Variants in BPIFB2 observed in about 807,000 individuals in gnomAD.
BPIFB2 encodes the protein BPI fold-containing family B member 2.
BPIFB2 carries 39 observed loss-of-function variants against 50.1 expected under a neutral mutation model. That is an observed-to-expected ratio of 0.78 (90% confidence interval 0.60 to 1.02). The LOEUF (loss-of-function observed/expected upper bound fraction) is 1.02. BPIFB2 is among the 50% of genes least tolerant of loss of function. The probability of loss-of-function intolerance (pLI) is 0.00; values close to 1 mark genes in which losing one functional copy is unlikely to be tolerated. For missense variants in BPIFB2, 574 were observed against 585.8 expected (o/e 0.98, Z 0.21); for synonymous variants, 280 against 256.3 (o/e 1.09, Z -0.88).
intron 6 of BPIFB2, among the ~76,000 whole-genome samples, chr20:33,016,365 C>A (rs1978430423): frequency 6.6e-6 from 1 of 152,136 alleles, no homozygotes; most frequent in Admixed American, 6.5e-5. Flanking sequence ...CCCTGTAGTC[C>A]CCCTGCTGCC....
intron 3 of BPIFB2, among the ~76,000 whole-genome samples, 168 bp downstream of exon 3, chr20:33,011,285 AG>A (rs1990284736): frequency 6.6e-6 from 1 of 152,206 alleles, no homozygotes; most frequent in South Asian, 2.1e-4. Flanking sequence ...TCTCCACTGA[AG>A]GTGAGTGCTC....
chr20:33,014,186 C>T (rs1467140415), intron 5 of BPIFB2, among the ~76,000 whole-genome samples: 2 of 152,188 alleles, frequency 1.3e-5, no homozygotes, highest in Non-Finnish European at 2.9e-5. Context: ...CCATCCCCTG[C>T]ACCACTTGAC....
At chr20:33,014,615 A>G (rs1990333733) in intron 5 of BPIFB2, among the ~76,000 whole-genome samples, 1 of 152,176 alleles carries the variant, frequency 6.6e-6, no homozygotes, top group South Asian at 2.1e-4. Flanking sequence ...ATGGCTTGCA[A>G]ATCCCCCTAG....
chr20:33,020,298 C>G, intron 11 of BPIFB2, 30 bp from the exon 12 acceptor site: 1 of 1,608,590 alleles, frequency 6.2e-7, no homozygotes, highest in Non-Finnish European at 8.5e-7. Context: ...GGCTCTGTGC[C>G]CTCTGACCCT....
chr20:33,008,980 G>A (rs1012146234), intron 2 of BPIFB2, among the ~76,000 whole-genome samples: 3 of 152,172 alleles, frequency 2.0e-5, no homozygotes, highest in African/African-American at 4.8e-5. Context: ...TTTTACCTGT[G>A]TGTGTCTACT....
intron 4 of BPIFB2, 126 bp downstream of exon 4, chr20:33,013,033 T>C: frequency 1.4e-6 from 1 of 722,718 alleles, no homozygotes; most frequent in Non-Finnish European, 2.4e-6. Flanking sequence ...TCTGTCCAGT[T>C]GCTCTCTCTC....
intron 10 of BPIFB2, 82 bp downstream of exon 10, chr20:33,019,197 C>G: frequency 6.5e-7 from 1 of 1,536,382 alleles, no homozygotes; most frequent in Non-Finnish European, 9.0e-7. Context: ...TCTCTGCTGG[C>G]TCTTATCTGT....
rs539324385 is a variant in BPIFB2 at position 33,018,367 on chromosome 20, C to A, written c.669+17C>A. On this transcript the variant is annotated intron_variant, in intron 8 of 15. Transcript: ENST00000170150. Reference sequence around the variant, plus strand: ...GAAGTCAATGTAAGTGCCTCCTGGCCAGCCCAGAGCTGGGGGCTTGCTGCC... The same window carrying A: ...GAAGTCAATGTAAGTGCCTCCTGGCAAGCCCAGAGCTGGGGGCTTGCTGCC... 6.3e-7 allele frequency: 1 copy of A among 1,592,592 alleles called. No individual in the cohort carries two copies. The highest frequency in any genetic ancestry group is 1.3e-5 in the African/African-American group (1 of 74,544).
chr20:33,021,438 C>G, intron 14 of BPIFB2, 94 bp downstream of exon 14: 1 of 1,394,058 alleles, frequency 7.2e-7, no homozygotes, highest in Non-Finnish European at 9.9e-7. Context: ...TCCCACCTCC[C>G]AGGCTCACAG....
At chr20:33,012,550 G>T (rs1990302183) in intron 3 of BPIFB2, among the ~76,000 whole-genome samples, 1 of 152,110 alleles carries the variant, frequency 6.6e-6, no homozygotes, top group African/African-American at 2.4e-5. Flanking sequence ...TCAAAAACCT[G>T]AGCAATCATC....
Position 33,009,038 on chromosome 20 carries a change from G to T in BPIFB2, c.109+355G>T, listed in dbSNP as rs1324825777. On this transcript the variant is annotated intron_variant, in intron 2 of 15. Coordinates refer to ENST00000170150, the MANE Select transcript of BPIFB2 (RefSeq NM_025227.3). This position sits in a 1 kb window ranked among gnomAD's most constrained non-coding sequence, Gnocchi z 4.2. ...GCTGTGCCCACGTGTGTACTTAAGT[G>T]TCGGGGAGGGTGCAAGCCCATGATG... Among the ~76,000 whole-genome samples, 1 of 152,212 alleles carries T rather than the reference G, an allele frequency of 6.6e-6. No individual in the cohort carries two copies. Among genetic ancestry groups the T allele is most frequent in the Non-Finnish European group, 1.5e-5 (1 of 68,032 alleles).
At chr20:33,017,011 C>T in intron 6 of BPIFB2, 31 bp from the exon 7 acceptor site, 1 of 1,609,566 alleles carries the variant, frequency 6.2e-7, no homozygotes, top group South Asian at 1.1e-5. Context: ...GCTGCCCTAA[C>T]CCCAGCCTCC....
In BPIFB2 at chr20:33,013,913, T is replaced by C. The variant is rs569169988; in HGVS notation, c.412T>C (p.Ser138Pro). 6.2e-7 allele frequency: 1 copy of C among 1,613,964 alleles called. No individual in the cohort carries two copies. Among genetic ancestry groups the C allele is most frequent in the Non-Finnish European group, 8.5e-7 (1 of 1,179,868 alleles). The change falls in exon 5 of 16, where the codon TCT (serine) becomes CCT (proline). Residue 138 changes from serine to proline, a missense_variant. Ser to Pro is a moderately conservative substitution (Grantham distance 74, BLOSUM62 -1). Transcript: ENST00000170150. ...CCCTGTGGTCAGCATCTCTGCCTGC[T>C]CTTTATTCTCGGGCCACGCCAACGA... ...RTPVVSISAC[S>P]LFSGHANEFD...
At chr20:33,022,118 G>A (rs530638636) in intron 15 of BPIFB2, among the ~76,000 whole-genome samples, 228 of 152,338 alleles carry the variant, frequency 1.5e-3, no homozygotes, top group African/African-American at 5.1e-3. Flanking sequence ...CCACTTTGTA[G>A]ACAAACTGTG....
At chr20:33,014,024 C>A (rs755704595) in intron 5 of BPIFB2, 68 bp downstream of exon 5, 58 of 1,550,586 alleles carry the variant, frequency 3.7e-5, no homozygotes, top group African/African-American at 1.1e-4. Context: ...GTTTCCTGAG[C>A]TGCCCACTCA....
chr20:33,015,630 C>A, intron 6 of BPIFB2, 134 bp downstream of exon 6: 1 of 795,252 alleles, frequency 1.3e-6, no homozygotes, highest in Non-Finnish European at 1.9e-6. Flanking sequence ...CCTTCATGGT[C>A]CCCATGAAGG....
chr20:33,015,456 T>C lies in BPIFB2; in HGVS notation c.476T>C (p.Val159Ala), dbSNP rs771794196. Residue 159 changes from valine (V) to alanine (A), a missense_variant, in exon 6 of 16, where the codon GTC (valine) becomes GCC (alanine). By Grantham distance (64) the Val-to-Ala change is moderately conservative (BLOSUM62 0). Transcript: ENST00000170150. ...CTCAGCACCTCCCACGCGCTGCTGG[T>C]CCTGGTGCAGAAGCACATTAAAGCT... is the stretch of plus-strand genomic sequence containing the variant. ...GSNSTSHALL[V>A]LVQKHIKAVL... 4 of 1,613,436 alleles carry C rather than the reference T, an allele frequency of 2.5e-6. No individual in the cohort carries two copies. The highest frequency in any genetic ancestry group is 3.4e-6 in the Non-Finnish European group (4 of 1,179,774).
chr20:33,014,927 TG>T (rs1568977407), intron 5 of BPIFB2, among the ~76,000 whole-genome samples: 2 of 152,202 alleles, frequency 1.3e-5, no homozygotes, highest in African/African-American at 4.8e-5. Flanking sequence ...AAGGTTGGGC[TG>T]TGGCTTGGAT....
At chr20:33,018,616 T>A in intron 8 of BPIFB2, 21 bp from the exon 9 acceptor site, 1 of 1,583,616 alleles carries the variant, frequency 6.3e-7, no homozygotes, top group Non-Finnish European at 8.6e-7. Context: ...TTTCTCCCAC[T>A]TCCCCCTCCC....
Sources: gnomAD v4.1 joint callset for allele counts (sites outside exome capture counted in the v4.1 genomes callset) on GRCh38, gnomAD v4.1.1 for gene constraint, Gnocchi (gnomAD v3.1) non-coding constraint, MANE v1.5 for transcripts, NCBI Gene and HGNC (gene_info 2026-07-23, HGNC 2026-07-21) for gene names.